KIF16B: variants seen among roughly 807,000 people sequenced by gnomAD.
The protein encoded by KIF16B is kinesin family member 16B.
KIF16B carries 98 observed loss-of-function variants against 156.3 expected under a neutral mutation model. The ratio of observed to expected loss-of-function variants is 0.63; its 90% CI spans 0.53 to 0.74. KIF16B has a LOEUF of 0.74. Among genes scored for constraint, KIF16B ranks in the 30% least tolerant of loss-of-function variants. The pLI, the probability that KIF16B is intolerant of heterozygous loss-of-function variation, is 0.00. For synonymous variants in KIF16B, 564 were observed against 583.7 expected (o/e 0.97, Z 0.49); for missense variants, 1,421 against 1,606.5 (o/e 0.88, Z 1.97).
At chr20:16,467,098 C>T (rs1205021021) in intron 12 of KIF16B, among the ~76,000 whole-genome samples, 1 of 152,206 alleles carries the variant, frequency 6.6e-6, no homozygotes, top group Non-Finnish European at 1.5e-5. Flanking sequence ...CAGAGCCTAA[C>T]CTGCTTGGAT....
chr20:16,308,345 T>C (rs76227335), intron 25 of KIF16B, among the ~76,000 whole-genome samples: 7,223 of 152,334 alleles, frequency 0.047, 208 homozygotes, highest in Non-Finnish European at 0.074. Flanking sequence ...CAATAATTGC[T>C]GAATAACTGG....
At chr20:16,468,575 CAA>C (rs550510241) in intron 12 of KIF16B, among the ~76,000 whole-genome samples, 18 of 35,848 alleles carry the variant, frequency 5.0e-4, no homozygotes, top group African/African-American at 1.7e-3. Context: ...GACTCCGTCT[CAA>C]AAAAAAAAAA....
chr20:16,537,953 C>G (rs2070043905), intron 1 of KIF16B, among the ~76,000 whole-genome samples: 1 of 152,118 alleles, frequency 6.6e-6, no homozygotes, highest in Admixed American at 6.5e-5. Context: ...ATCCACACAC[C>G]TTGGCCTCCC....
At chr20:16,502,474 T>C (rs2068654351) in intron 10 of KIF16B, among the ~76,000 whole-genome samples, 1 of 152,182 alleles carries the variant, frequency 6.6e-6, no homozygotes, top group Non-Finnish European at 1.5e-5. Context: ...TTGTAATATA[T>C]TGTATATCAA....
Position 16,573,413 on chromosome 20 carries a change from T to C in KIF16B, c.-138A>G, listed in dbSNP as rs1177895610. On this transcript the variant is annotated 5_prime_UTR_variant, in exon 1 of 26. Coordinates refer to ENST00000354981, the MANE Select transcript of KIF16B (RefSeq NM_024704.5). The stretch of plus-strand genomic sequence containing the variant: ...CCTCTGCTCCCGGCCGGACCTGGAG[T>C]TCCGCGGCAGCCCCACCTGCCAGGC... The C allele has an allele frequency of 9.5e-6, 9 of 943,244 alleles. No individual in the cohort carries two copies. The highest frequency in any genetic ancestry group is 1.4e-5 in the Non-Finnish European group (9 of 630,680). 58.4% of individuals were successfully genotyped at this position (943,244 alleles called of 1,614,324 possible). A position where few individuals can be genotyped will look rare whatever the true frequency, so the allele number is the denominator to read the frequency against.
rs2062996963 is a variant in KIF16B at position 16,272,321 on chromosome 20, C to A, written c.*932G>T. On this transcript the variant is annotated 3_prime_UTR_variant, in exon 26 of 26. Transcript: ENST00000354981. ...CATTTTTCTCTTTAGTAAAACAAAG[C>A]AGTTTTACTGTACACAGAAGTGCAA... is the stretch of plus-strand genomic sequence containing the variant. 6.6e-6 allele frequency: 1 copy of A among 152,496 alleles called. No individual in the cohort carries two copies. Among genetic ancestry groups the A allele is most frequent in the African/African-American group, 2.4e-5 (1 of 41,400 alleles). The allele number at this position is 152,496 out of a possible 1,614,324, so 9.4% of individuals were successfully genotyped here. A position where few individuals can be genotyped will look rare whatever the true frequency, so the allele number is the denominator to read the frequency against.
chr20:16,554,153 T>C (rs909568190), intron 1 of KIF16B, among the ~76,000 whole-genome samples: 5 of 152,186 alleles, frequency 3.3e-5, no homozygotes, highest in Admixed American at 3.3e-4. Context: ...GAGGAGGACA[T>C]GAAGCCTGCG....
intron 25 of KIF16B, among the ~76,000 whole-genome samples, chr20:16,297,349 G>A (rs2063402956): frequency 6.6e-6 from 1 of 152,206 alleles, no homozygotes; most frequent in South Asian, 2.1e-4. Context: ...ATGTGTGGAA[G>A]TGTAAAACTC....
At position 16,378,881 on chromosome 20, in the gene KIF16B, T is replaced by C. The variant is rs992825487; in HGVS notation, c.3121A>G (p.Ser1041Gly). 3.7e-6 allele frequency: 6 copies of C among 1,614,060 alleles called. No homozygotes were observed. The highest frequency in any genetic ancestry group is 5.1e-6 in the Non-Finnish European group (6 of 1,180,030). ...AGCCCTGACTGCTCTCTGCTGCCAC[T>C]GTTCAGACTGGCAAGTTTCTGCCTC... is the stretch of plus-strand genomic sequence containing the variant. ...EQRQKLASLN[S>G]GSREQSGLQA... The change falls in exon 19 of 26, where the codon AGT becomes GGT. Residue 1041 changes from serine to glycine, a missense_variant. Physicochemically the swap from Ser to Gly is moderately conservative, Grantham distance 56. Transcript: ENST00000354981.
At chr20:16,452,080 C>G (rs2067096939) in intron 12 of KIF16B, among the ~76,000 whole-genome samples, 1 of 152,028 alleles carries the variant, frequency 6.6e-6, no homozygotes, top group Non-Finnish European at 1.5e-5. Context: ...AAGTAGCAGA[C>G]CCAGAAACCA....
In KIF16B at chr20:16,280,523, A is replaced by G. The variant is rs562044630; in HGVS notation, c.3796-7112T>C. On this transcript the variant is annotated intron_variant, in intron 25 of 25. Coordinates refer to ENST00000354981, the MANE Select transcript of KIF16B (RefSeq NM_024704.5). ...GATTCAGCCTGCAGGTACTTCGTAC[A>G]AAGTTTCCGGTTCATGAGCTTATGT... Among the ~76,000 whole-genome samples the G allele has an allele frequency of 3.3e-5, 5 of 152,350 alleles. No individual in the cohort carries two copies. The East Asian group carries it at 9.6e-4, about 29-fold the overall frequency.
At chr20:16,550,528 CTTTTTTTTTT>C (rs745923425) in intron 1 of KIF16B, among the ~76,000 whole-genome samples, 118 of 103,504 alleles carry the variant, frequency 1.1e-3, no homozygotes, top group African/African-American at 4.4e-3. Flanking sequence ...ATGAAACATT[CTTTTTTTTTT>C]TTTTTTTTTT....
intron 22 of KIF16B, among the ~76,000 whole-genome samples, chr20:16,364,659 C>A (rs1054946595): frequency 6.6e-6 from 1 of 152,208 alleles, no homozygotes; most frequent in Non-Finnish European, 1.5e-5. Context: ...TTAATACTTA[C>A]TTCACAGAGA....
At chr20:16,486,448 C>T (rs571464012) in intron 12 of KIF16B, among the ~76,000 whole-genome samples, 39 of 152,208 alleles carry the variant, frequency 2.6e-4, no homozygotes, top group Non-Finnish European at 5.4e-4. Context: ...CACCACCTCT[C>T]ATCTCTTCTT....
intron 24 of KIF16B, among the ~76,000 whole-genome samples, chr20:16,323,655 C>T (rs930447351): frequency 3.3e-5 from 5 of 151,906 alleles, no homozygotes; most frequent in Non-Finnish European, 7.4e-5. Context: ...CCATACCACA[C>T]AATATTTATG....
At chr20:16,357,201 A>G (rs946128301) in intron 22 of KIF16B, among the ~76,000 whole-genome samples, 28 of 152,366 alleles carry the variant, frequency 1.8e-4, no homozygotes, top group African/African-American at 6.7e-4. Flanking sequence ...AAGTAATAGC[A>G]ATAACAAAAT....
At chr20:16,535,886 C>T (rs1347997412) in intron 1 of KIF16B, among the ~76,000 whole-genome samples, 1 of 152,182 alleles carries the variant, frequency 6.6e-6, no homozygotes, top group Non-Finnish European at 1.5e-5. Context: ...CTCTTATACA[C>T]TGTTGGTGGG....
intron 17 of KIF16B, among the ~76,000 whole-genome samples, chr20:16,391,913 C>T (rs1462040017): frequency 6.6e-6 from 1 of 152,184 alleles, no homozygotes; most frequent in South Asian, 2.1e-4. Context: ...CCGGTGATTT[C>T]TATGGGTAGT....
At chr20:16,548,542 C>A (rs2070502579) in intron 1 of KIF16B, among the ~76,000 whole-genome samples, 1 of 152,194 alleles carries the variant, frequency 6.6e-6, no homozygotes, top group African/African-American at 2.4e-5. Flanking sequence ...GGAGAGCAAA[C>A]CCTATCGTAA....
Sources: gnomAD v4.1 joint callset for allele counts (sites outside exome capture counted in the v4.1 genomes callset) on GRCh38, gnomAD v4.1.1 for gene constraint, MANE v1.5 for transcripts, NCBI Gene and HGNC (gene_info 2026-07-23, HGNC 2026-07-21) for gene names.